CHLSN: variants seen among roughly 807,000 people sequenced by gnomAD.
CHLSN encodes cholesin.
chr7:1,070,634 CACACGG>C, the CHLSN span, among the ~76,000 whole-genome samples: 1 of 148,578 alleles, frequency 6.7e-6, no homozygotes, highest in Non-Finnish European at 1.5e-5. Context: ...ACACAACACG[CACACGG>C]ACACACATGC....
At chr7:989,311 G>A in the CHLSN span, 1 of 163,872 alleles carries the variant, frequency 6.1e-6, no homozygotes, top group Non-Finnish European at 1.3e-5. Flanking sequence ...TGTGCCTGGA[G>A]GCAGTCGGCC....
At chr7:1,098,910 G>A in the CHLSN span, among the ~76,000 whole-genome samples, 5 of 152,328 alleles carry the variant, frequency 3.3e-5, no homozygotes, top group Admixed American at 6.5e-5. Context: ...AGATTGTGGC[G>A]ATGGCTGCAC....
At chr7:1,119,849 C>T in the CHLSN span, among the ~76,000 whole-genome samples, 1 of 148,890 alleles carries the variant, frequency 6.7e-6, no homozygotes, top group Non-Finnish European at 1.5e-5. Context: ...TGCACTCCAG[C>T]CTGGGCAACA....
chr7:1,103,695 A>G, the CHLSN span, among the ~76,000 whole-genome samples: 66 of 152,314 alleles, frequency 4.3e-4, no homozygotes, highest in African/African-American at 1.4e-3. Flanking sequence ...AACAAAACCA[A>G]CAGCGACGTC....
the CHLSN span, chr7:997,613 G>C: frequency 6.3e-7 from 1 of 1,580,218 alleles, no homozygotes; most frequent in Non-Finnish European, 8.6e-7. Context: ...GCCCCGCCCC[G>C]CGCTGAACCC....
chr7:1,071,466 C>G, the CHLSN span, among the ~76,000 whole-genome samples: 1 of 152,062 alleles, frequency 6.6e-6, no homozygotes, highest in African/African-American at 2.4e-5. Context: ...CTGGTGGGGG[C>G]AGCTGGGGGG....
At chr7:1,071,661 G>A in the CHLSN span, among the ~76,000 whole-genome samples, 7 of 152,312 alleles carry the variant, frequency 4.6e-5, no homozygotes, top group South Asian at 6.2e-4. Flanking sequence ...CAAAGGCACC[G>A]GGTGGGAGGG....
chr7:1,072,330 C>T, the CHLSN span, among the ~76,000 whole-genome samples: 1 of 152,218 alleles, frequency 6.6e-6, no homozygotes, highest in African/African-American at 2.4e-5. Flanking sequence ...ACGACTGCAG[C>T]GAAGCTCATG....
chr7:1,010,351 C>A, the CHLSN span, among the ~76,000 whole-genome samples: 1 of 152,244 alleles, frequency 6.6e-6, no homozygotes, highest in Non-Finnish European at 1.5e-5. Flanking sequence ...GCCAGTCCTG[C>A]GGGCAGGCGC....
At chr7:995,788 C>T in the CHLSN span, among the ~76,000 whole-genome samples, 1 of 152,368 alleles carries the variant, frequency 6.6e-6, no homozygotes, top group East Asian at 1.9e-4. Context: ...TCCTCGCCTG[C>T]CGCCGGCAAG....
the CHLSN span, among the ~76,000 whole-genome samples, chr7:1,135,797 A>ACACT: frequency 2.9e-5 from 4 of 136,282 alleles, no homozygotes; most frequent in Non-Finnish European, 6.2e-5. Flanking sequence ...ATATATACAC[A>ACACT]ATTTATTTAT....
chr7:986,540 C>G, the CHLSN span: 1 of 1,519,562 alleles, frequency 6.6e-7, no homozygotes, highest in Non-Finnish European at 9.0e-7. Context: ...GGCGTGAACA[C>G]AGCCGCTGGG....
At chr7:1,099,930 G>A in the CHLSN span, among the ~76,000 whole-genome samples, 6 of 152,224 alleles carry the variant, frequency 3.9e-5, no homozygotes, top group Non-Finnish European at 5.9e-5. Flanking sequence ...GAGTAATACC[G>A]TGCGGCAGAT....
At chr7:1,095,661 C>G in the CHLSN span, among the ~76,000 whole-genome samples, 1 of 152,258 alleles carries the variant, frequency 6.6e-6, no homozygotes, top group African/African-American at 2.4e-5. Flanking sequence ...CCCCTCACAG[C>G]AGCCCCGTGG....
At chr7:1,011,996 G>A in the CHLSN span, among the ~76,000 whole-genome samples, 1 of 152,176 alleles carries the variant, frequency 6.6e-6, no homozygotes, top group African/African-American at 2.4e-5. Context: ...CCCCAGGGGA[G>A]CCTGGTGACT....
At chr7:1,021,629 G>A in the CHLSN span, 3 of 962,814 alleles carry the variant, frequency 3.1e-6, no homozygotes, top group African/African-American at 1.8e-5. Context: ...CAGCCCCAGT[G>A]TGACTGGCTT....
the CHLSN span, among the ~76,000 whole-genome samples, chr7:978,513 T>C: frequency 6.6e-6 from 1 of 152,088 alleles, no homozygotes; most frequent in Admixed American, 6.5e-5. Flanking sequence ...AGTGAGACCT[T>C]GTCTACAAGA....
chr7:1,092,865 G>T, the CHLSN span: 1 of 1,609,540 alleles, frequency 6.2e-7, no homozygotes, highest in Non-Finnish European at 8.5e-7. Context: ...AGACAGCCTT[G>T]GCCGCATAGG....
At chr7:986,637 A>G in the CHLSN span, 1 of 1,612,412 alleles carries the variant, frequency 6.2e-7, no homozygotes, top group African/African-American at 1.3e-5. Context: ...TTCAACGTCT[A>G]CCCATGGCTC....
Sources: gnomAD v4.1 joint callset for allele counts (sites outside exome capture counted in the v4.1 genomes callset) on GRCh38, gnomAD v4.1.1 for gene constraint, MANE v1.5 for transcripts, NCBI Gene and HGNC (gene_info 2026-07-23, HGNC 2026-07-21) for gene names.